Variants in THBS1 observed in about 807,000 individuals in gnomAD.
THBS1 encodes the protein thrombospondin 1.
In THBS1, 29 loss-of-function variants were observed where a neutral mutation model predicts 126.1. That is an observed-to-expected ratio of 0.23 (90% CI 0.17 to 0.31). The LOEUF is 0.31. Among genes scored for constraint, THBS1 ranks in the 10% least tolerant of loss-of-function variants. The probability of loss-of-function intolerance (pLI) is 1.00; values close to 1 mark genes in which losing one functional copy is unlikely to be tolerated. For missense variants in THBS1, 1,198 were observed against 1,545.2 expected, an observed-to-expected ratio of 0.78 and a Z score of 3.77; for synonymous variants, 496 against 577.8, an observed-to-expected ratio of 0.86 and a Z score of 2.03.
rs1156446407 is a variant in THBS1, at chr15:39,588,142, C to T, written c.1395C>T (p.Pro465=). 3 of 1,614,106 alleles carry T rather than the reference C, an allele frequency of 1.9e-6. No homozygotes were observed. The highest frequency in any genetic ancestry group is 2.2e-5 in the East Asian group (1 of 44,892). ...CAAGGATCCGGCTCTGCAACTCTCCCAGCCCCCAGATGAACGGGAAACCCT... is the reference window on the plus strand; with the variant it reads ...CAAGGATCCGGCTCTGCAACTCTCCTAGCCCCCAGATGAACGGGAAACCCT... The part of the protein sequence containing the change: ...VITRIRLCNS[P]SPQMNGKPCE... The change falls in exon 9 of 22, where the codon CCC becomes CCT. Residue 465 remains proline, a synonymous_variant. Coordinates refer to ENST00000260356, the MANE Select transcript of THBS1 (RefSeq NM_003246.4).
chr15:39,588,261 T>C (rs371777597), intron 9 of THBS1, 43 bp downstream of exon 9: 16 of 1,589,280 alleles, frequency 1.0e-5, no homozygotes, highest in Non-Finnish European at 1.4e-5. Flanking sequence ...GGGCAGCAGC[T>C]CTGCCCAGCT....
intron 13 of THBS1, among the ~76,000 whole-genome samples, chr15:39,590,247 G>T (rs1566841104): frequency 6.6e-6 from 1 of 151,930 alleles, no homozygotes; most frequent in Non-Finnish European, 1.5e-5. Context: ...CAACTCTTCT[G>T]TCCAAAAAAA....
chr15:39,593,690 C>CAG lies in THBS1; in HGVS notation c.3267+31_3267+32dup. ...CCAGGTAAGAAGCAAAGCCCTGGAA[C>CAG]AGAGAGAGAGCTTATGGGTGCCTGA... On this transcript the variant is annotated intron_variant, in intron 19 of 21. Coordinates refer to ENST00000260356, the MANE Select transcript of THBS1 (RefSeq NM_003246.4). The surrounding 1 kb of genome is among the most constrained non-coding windows in gnomAD (Gnocchi z 5.9). 6.2e-7 allele frequency: 1 copy of CAG among 1,610,404 alleles called. No individual in the cohort carries two copies.
At position 39,582,480 on chromosome 15, in the gene THBS1, G is replaced by T; in HGVS notation, c.355G>T (p.Val119Leu). The T allele has an allele frequency of 6.2e-7, 1 of 1,614,172 alleles. No individual in the cohort carries two copies. Among genetic ancestry groups the T allele is most frequent in the Non-Finnish European group, 8.5e-7 (1 of 1,179,998 alleles). Reference protein sequence around the residue: ...RKDHSGQVFSVVSNGKAGTLD... With the variant: ...RKDHSGQVFSLVSNGKAGTLD... Reference sequence around the variant, plus strand: ...AGACCACTCTGGCCAGGTCTTCAGCGTGGTGTCCAATGGCAAGGCGGGCAC... The same window carrying T: ...AGACCACTCTGGCCAGGTCTTCAGCTTGGTGTCCAATGGCAAGGCGGGCAC... The change falls in exon 3 of 22, where the codon GTG becomes TTG. Residue 119 changes from valine to leucine, a missense_variant. By Grantham distance (32) the Val-to-Leu change is conservative. Coordinates refer to ENST00000260356, the MANE Select transcript of THBS1 (RefSeq NM_003246.4).
Position 39,588,164 on chromosome 15 carries a change from C to A in THBS1, c.1417C>A (p.Pro473Thr), listed in dbSNP as rs1436303075. ...NSPSPQMNGK[P>T]CEGEARETKA... The stretch of plus-strand genomic sequence containing the variant: ...TCCCAGCCCCCAGATGAACGGGAAA[C>A]CCTGTGAAGGCGAAGCGCGGGAGAC... The change falls in exon 9 of 22, where the codon CCC (proline) becomes ACC (threonine). Residue 473 changes from proline to threonine, a missense_variant. Physicochemically the swap from Pro to Thr is conservative, Grantham distance 38. Coordinates refer to ENST00000260356, the MANE Select transcript of THBS1 (RefSeq NM_003246.4). 1.2e-6 allele frequency: 2 copies of A among 1,614,184 alleles called. No individual in the cohort carries two copies. Among genetic ancestry groups the A allele is most frequent in the Non-Finnish European group, 1.7e-6 (2 of 1,180,040 alleles).
In THBS1 at chr15:39,593,039, A is replaced by T. The variant is rs778565206; in HGVS notation, c.2807A>T (p.His936Leu). The stretch of plus-strand genomic sequence containing the variant: ...GATGCCTGCAAAGATGATTTTGACC[A>T]TGACAGTGTGCCAGACATCGATGAC... ...RGDACKDDFDHDSVPDIDDIC... is the reference protein window; with the variant it reads ...RGDACKDDFDLDSVPDIDDIC... Residue 936 changes from histidine (H) to leucine (L), a missense_variant, in exon 18 of 22, where the codon CAT (histidine) becomes CTT (leucine). Around this residue, in one of 4 missense-constraint regions of THBS1, gnomAD observed 255 missense variants for 373.9 expected, o/e 0.68. Transcript: ENST00000260356. The surrounding 1 kb of genome is among the most constrained non-coding windows in gnomAD (Gnocchi z 5.9). The T allele has an allele frequency of 6.2e-7, 1 of 1,611,626 alleles. No individual in the cohort carries two copies. Among genetic ancestry groups the T allele is most frequent in the African/African-American group, 1.3e-5 (1 of 74,802 alleles).
chr15:39,594,284 AT>A lies in THBS1; in HGVS notation c.3366-9del, dbSNP rs771629918. On this transcript the variant is annotated splice_polypyrimidine_tract_variant and intron_variant, in intron 20 of 21. Coordinates refer to ENST00000260356, the MANE Select transcript of THBS1 (RefSeq NM_003246.4). This position sits in a 1 kb window ranked among gnomAD's most constrained non-coding sequence, Gnocchi z 4.4. ...TTAAATAGCATTGTCACTAAACAAGATTTTTTTTCCCTGCAGAGTGGTGATG... is the reference window on the plus strand; with the variant it reads ...TTAAATAGCATTGTCACTAAACAAGATTTTTTTCCCTGCAGAGTGGTGATG... 31 of 1,613,796 alleles carry A rather than the reference AT, an allele frequency of 1.9e-5. No individual in the cohort carries two copies. Among genetic ancestry groups the A allele is most frequent in the Middle Eastern group, 1.6e-4 (1 of 6,062 alleles).
chr15:39,590,783 T>A, intron 14 of THBS1, 160 bp downstream of exon 14: 1 of 632,426 alleles, frequency 1.6e-6, no homozygotes, highest in Non-Finnish European at 2.7e-6. Context: ...TTTAAGGATG[T>A]AGATGTTGCC....
chr15:39,591,512 C>T lies in THBS1; in HGVS notation c.2421C>T (p.Leu807=). The change falls in exon 16 of 22, where the codon CTC becomes CTT. Residue 807 remains leucine, a synonymous_variant. Coordinates refer to ENST00000260356, the MANE Select transcript of THBS1 (RefSeq NM_003246.4). The part of the protein sequence containing the change: ...CAADIDGDGI[L]NERDNCQYVY... ...GTCCCTTGTTCTCTTCAGGTATCCTCAATGAACGGGACAACTGCCAGTACG... is the reference window on the plus strand; with the variant it reads ...GTCCCTTGTTCTCTTCAGGTATCCTTAATGAACGGGACAACTGCCAGTACG... 4 of 1,614,186 alleles carry T rather than the reference C, an allele frequency of 2.5e-6. No individual in the cohort carries two copies. Among genetic ancestry groups the T allele is most frequent in the Non-Finnish European group, 3.4e-6 (4 of 1,180,026 alleles).
rs112381547 is a variant in THBS1 at position 39,583,615 on chromosome 15, A to T, written c.628-2A>T. On this transcript the variant is annotated splice_acceptor_variant, in intron 3 of 21. Coordinates refer to ENST00000260356, the MANE Select transcript of THBS1 (RefSeq NM_003246.4). LOFTEE classifies it high-confidence loss of function. ...CAAGTAATGTGTGTCCTCTGCCCAC[A>T]GGGGGTGCTGCAGAATGTGAGGTTT... 1 of 1,594,172 alleles carries T rather than the reference A, an allele frequency of 6.3e-7. No homozygotes were observed. The highest frequency in any genetic ancestry group is 2.3e-5 in the East Asian group (1 of 43,288).
chr15:39,589,335 A>T lies in THBS1; in HGVS notation c.1907A>T (p.His636Leu). 1 of 1,614,042 alleles carries T rather than the reference A, an allele frequency of 6.2e-7. No individual in the cohort carries two copies. The highest frequency in any genetic ancestry group is 1.1e-5 in the South Asian group (1 of 91,078). ...CAGCCCTTCGGCCAGGGTGTCGAAC[A>T]TGCCACGGCCAACAAACAGGTACAG... ...GSQPFGQGVEHATANKQVCKP... is the reference protein window; with the variant it reads ...GSQPFGQGVELATANKQVCKP... The change falls in exon 12 of 22, where the codon CAT becomes CTT. Residue 636 changes from histidine to leucine, a missense_variant. Coordinates refer to ENST00000260356, the MANE Select transcript of THBS1 (RefSeq NM_003246.4). The surrounding 1 kb of genome is among the most constrained non-coding windows in gnomAD (Gnocchi z 4.7).
In THBS1 at chr15:39,596,359, T is replaced by C. The variant is rs746621339; in HGVS notation, c.*990T>C. ...CTAATTCTCTCTTTTGGAATGTAGA[T>C]TTTTTTTAAATGCTTTACGATGTAA... On this transcript the variant is annotated 3_prime_UTR_variant, in exon 22 of 22. Transcript: ENST00000260356. 6.5e-6 allele frequency: 1 copy of C among 153,912 alleles called. No individual in the cohort carries two copies. The highest frequency in any genetic ancestry group is 1.4e-5 in the Non-Finnish European group (1 of 69,240). The allele number at this position is 153,912 out of a possible 1,614,324, so 9.5% of individuals were successfully genotyped here.
rs964964431 is a variant in THBS1, at chr15:39,589,763, T to G, written c.1927-42T>G. ...TTCTTGTTTCCATGATATCTGAGGA[T>G]TCTCAAAAGCTCTGTGTAACAGCAG... On this transcript the variant is annotated intron_variant, in intron 12 of 21. Coordinates refer to ENST00000260356, the MANE Select transcript of THBS1 (RefSeq NM_003246.4). The surrounding 1 kb of genome is among the most constrained non-coding windows in gnomAD (Gnocchi z 4.7). 7 of 1,529,774 alleles carry G rather than the reference T, an allele frequency of 4.6e-6. No individual in the cohort carries two copies. The highest frequency in any genetic ancestry group is 6.2e-6 in the Non-Finnish European group (7 of 1,137,536). 94.8% of individuals were successfully genotyped at this position (1,529,774 alleles called of 1,614,324 possible). A position where few individuals can be genotyped will look rare whatever the true frequency, so the allele number is the denominator to read the frequency against.
chr15:39,593,426 A>C lies in THBS1; in HGVS notation c.3025A>C (p.Ser1009Arg). 1 of 1,614,164 alleles carries C rather than the reference A, an allele frequency of 6.2e-7. No individual in the cohort carries two copies. Among genetic ancestry groups the C allele is most frequent in the Non-Finnish European group, 8.5e-7 (1 of 1,180,022 alleles). ...GYDEFNAVDFSGTFFINTERD... is the reference protein window; with the variant it reads ...GYDEFNAVDFRGTFFINTERD... ...TGATGAGTTTAATGCTGTGGACTTC[A>C]GTGGCACCTTCTTCATCAACACCGA... Residue 1009 changes from serine (S) to arginine (R), a missense_variant, in exon 19 of 22, where the codon AGT (serine) becomes CGT (arginine). By Grantham distance (110) the Ser-to-Arg change is moderately radical. Coordinates refer to ENST00000260356, the MANE Select transcript of THBS1 (RefSeq NM_003246.4). This position sits in a 1 kb window ranked among gnomAD's most constrained non-coding sequence, Gnocchi z 5.9.
intron 14 of THBS1, 77 bp from the exon 15 acceptor site, chr15:39,591,114 A>G (rs1890317780): frequency 3.3e-6 from 5 of 1,503,176 alleles, no homozygotes; most frequent in South Asian, 2.5e-5. Flanking sequence ...AGTTTTAGAC[A>G]TATTATGCAC....
At position 39,585,553 on chromosome 15, in the gene THBS1, T is replaced by C; in HGVS notation, c.1110T>C (p.Pro370=). Residue 370 remains proline, a synonymous_variant, in exon 7 of 22, where the codon CCT becomes CCC. Transcript: ENST00000260356. ...NATVPDGECC[P]RCWPSDSADD... is the part of the protein sequence containing the mutation. Reference sequence around the variant, plus strand: ...CAGTTCCTGATGGAGAATGCTGTCCTCGCTGTTGGCGTAAGTTTCTCAAAT... The same window carrying C: ...CAGTTCCTGATGGAGAATGCTGTCCCCGCTGTTGGCGTAAGTTTCTCAAAT... 3 of 1,614,048 alleles carry C rather than the reference T, an allele frequency of 1.9e-6. No individual in the cohort carries two copies. The highest frequency in any genetic ancestry group is 2.5e-6 in the Non-Finnish European group (3 of 1,180,016).
chr15:39,584,738 A>G (rs955359177), intron 6 of THBS1, among the ~76,000 whole-genome samples: 1 of 126,682 alleles, frequency 7.9e-6, no homozygotes, highest in Admixed American at 7.2e-5. Flanking sequence ...TGGTTGGAAC[A>G]TTCATTTTTT....
At chr15:39,585,370 C>A in intron 6 of THBS1, 100 bp from the exon 7 acceptor site, 1 of 1,047,370 alleles carries the variant, frequency 9.5e-7, no homozygotes, top group Non-Finnish European at 1.5e-6. Context: ...ATTGACAGCC[C>A]TGACCATGTT....
Position 39,591,296 on chromosome 15 carries a change from GAC to G in THBS1, c.2363_2364del (p.Thr788ArgfsTer14). ...CPYNHNPDQA[D>X]TDNNGEGDAC... ...CTACAACCACAACCCAGATCAGGCA[GAC>G]ACAGACAACAATGGGGAAGGAGACG... On this transcript the variant is annotated frameshift_variant, in exon 15 of 22. Coordinates refer to ENST00000260356, the MANE Select transcript of THBS1 (RefSeq NM_003246.4). LOFTEE classifies it high-confidence loss of function. 1 of 1,614,226 alleles carries G rather than the reference GAC, an allele frequency of 6.2e-7. No individual in the cohort carries two copies. Among genetic ancestry groups the G allele is most frequent in the Non-Finnish European group, 8.5e-7 (1 of 1,180,044 alleles).
Sources: allele counts gnomAD v4.1 joint callset (sites outside exome capture counted in the v4.1 genomes callset), GRCh38; gene constraint gnomAD v4.1.1; regional missense constraint gnomAD v4.1.1; non-coding constraint Gnocchi (gnomAD v3.1); transcripts MANE v1.5; gene names NCBI Gene and HGNC (gene_info 2026-07-23, HGNC 2026-07-21).